WDR7: variants seen among roughly 807,000 people sequenced by gnomAD.
The protein encoded by WDR7 is WD repeat domain 7.
Under a neutral mutation model 169.4 loss-of-function variants are expected in WDR7, and 46 were observed. That is an observed-to-expected ratio of 0.27 (90% CI 0.21 to 0.35). WDR7 has a LOEUF of 0.35. WDR7 is among the 10% of genes least tolerant of loss of function. The probability of loss-of-function intolerance (pLI) is 1.00; values close to 1 mark genes in which losing one functional copy is unlikely to be tolerated. For synonymous variants in WDR7, 612 were observed against 666.8 expected, an observed-to-expected ratio of 0.92 and a Z score of 1.27; for missense variants, 1,534 against 1,859.3, an observed-to-expected ratio of 0.83 and a Z score of 3.22.
chr18:56,828,419 G>T (rs2045249185), intron 20 of WDR7, among the ~76,000 whole-genome samples: 1 of 152,094 alleles, frequency 6.6e-6, no homozygotes, highest in Non-Finnish European at 1.5e-5. Context: ...TGAAGTGAGG[G>T]GTAAAAAGGA....
the WDR7 span, chr18:57,035,312 G>A: frequency 1.3e-5 from 2 of 152,316 alleles, no homozygotes; most frequent in East Asian, 3.9e-4. Context: ...AAGGGGAAAC[G>A]GACTATAAAG....
intron 16 of WDR7, among the ~76,000 whole-genome samples, chr18:56,775,326 C>A (rs1482749345): frequency 6.6e-6 from 1 of 152,052 alleles, no homozygotes; most frequent in East Asian, 1.9e-4. Flanking sequence ...AAAATTAAAA[C>A]CTGCAAATTT....
At chr18:56,808,607 TA>T (rs1219112475) in intron 19 of WDR7, among the ~76,000 whole-genome samples, 1 of 152,196 alleles carries the variant, frequency 6.6e-6, no homozygotes, top group African/African-American at 2.4e-5. Flanking sequence ...GTTACTATAT[TA>T]AAAATTAGTA....
intron 14 of WDR7, among the ~76,000 whole-genome samples, chr18:56,755,529 T>C (rs1363560237): frequency 6.6e-6 from 1 of 152,178 alleles, no homozygotes; most frequent in Non-Finnish European, 1.5e-5. Context: ...GAAAACAGAA[T>C]GATTTCCAGC....
intron 2 of WDR7, among the ~76,000 whole-genome samples, chr18:56,677,493 A>C (rs1190627286): frequency 6.6e-6 from 1 of 151,990 alleles, no homozygotes; most frequent in African/African-American, 2.4e-5. Context: ...GGGACTACAG[A>C]TGTGTGCCAC....
At chr18:57,023,725 TCC>T (rs2048321429) in intron 27 of WDR7, among the ~76,000 whole-genome samples, 1 of 152,208 alleles carries the variant, frequency 6.6e-6, no homozygotes, top group Non-Finnish European at 1.5e-5. Flanking sequence ...CTTCTCTGTA[TCC>T]ATTGGCATTT....
At chr18:57,004,609 G>A (rs2048029795) in intron 26 of WDR7, among the ~76,000 whole-genome samples, 3 of 152,070 alleles carry the variant, frequency 2.0e-5, no homozygotes, top group Non-Finnish European at 2.9e-5. Context: ...CCTACTAAAC[G>A]TAAAAATGTC....
intron 22 of WDR7, among the ~76,000 whole-genome samples, chr18:56,931,898 G>A (rs530942567): frequency 2.6e-4 from 39 of 152,282 alleles, no homozygotes; most frequent in Non-Finnish European, 5.1e-4. Context: ...GAGCATTGGT[G>A]TTGAAAAGAG....
At chr18:56,826,058 G>T (rs1402665250) in intron 20 of WDR7, among the ~76,000 whole-genome samples, 1 of 152,184 alleles carries the variant, frequency 6.6e-6, no homozygotes, top group Non-Finnish European at 1.5e-5. Context: ...ATTGGGGTTG[G>T]GGGAGGGCAG....
At chr18:56,893,034 A>C (rs1351761669) in intron 21 of WDR7, among the ~76,000 whole-genome samples, 1 of 152,078 alleles carries the variant, frequency 6.6e-6, no homozygotes, top group Non-Finnish European at 1.5e-5. Flanking sequence ...TTGGTCTAGA[A>C]TGTGATGCAG....
intron 14 of WDR7, among the ~76,000 whole-genome samples, chr18:56,737,072 A>G (rs915575011): frequency 4.6e-5 from 7 of 152,242 alleles, no homozygotes; most frequent in African/African-American, 1.7e-4. Context: ...AGAGATGCTT[A>G]TAATTCTTTG....
chr18:57,026,074 A>G (rs1403306592), intron 27 of WDR7, among the ~76,000 whole-genome samples: 3 of 152,250 alleles, frequency 2.0e-5, no homozygotes, highest in African/African-American at 7.2e-5. Context: ...ATAATAGCAC[A>G]CATAATGCTA....
intron 12 of WDR7, among the ~76,000 whole-genome samples, chr18:56,701,999 A>T (rs1291200209): frequency 6.6e-6 from 1 of 152,206 alleles, no homozygotes; most frequent in Admixed American, 6.5e-5. Flanking sequence ...TGATTTTCAG[A>T]TTGGAGTAGT....
chr18:57,027,308 C>G lies in WDR7; in HGVS notation c.*101C>G. 7.1e-7 allele frequency: 1 copy of G among 1,416,280 alleles called. No individual in the cohort carries two copies. The highest frequency in any genetic ancestry group is 9.5e-7 in the Non-Finnish European group (1 of 1,055,922). 87.7% of individuals were successfully genotyped at this position (1,416,280 alleles called of 1,614,324 possible). On this transcript the variant is annotated 3_prime_UTR_variant, in exon 28 of 28. Coordinates refer to ENST00000254442, the MANE Select transcript of WDR7 (RefSeq NM_015285.3). ...ACCAGATTGTTCCCAGGGGCCTGCC[C>G]ACCCCAGTGCCATCCAGTGGCACGG... is the stretch of plus-strand genomic sequence containing the variant.
chr18:56,677,747 C>T (rs527529991), intron 2 of WDR7, among the ~76,000 whole-genome samples: 1 of 152,250 alleles, frequency 6.6e-6, no homozygotes, highest in African/African-American at 2.4e-5. Context: ...AGGTAGTCAT[C>T]TTTGGGTTAA....
At chr18:56,940,934 A>G (rs1351460281) in intron 25 of WDR7, among the ~76,000 whole-genome samples, 2 of 152,132 alleles carry the variant, frequency 1.3e-5, no homozygotes, top group Non-Finnish European at 2.9e-5. Context: ...TTTGTTTCCT[A>G]TTATGTGGTC....
At chr18:56,974,244 A>G (rs1367064123) in intron 26 of WDR7, among the ~76,000 whole-genome samples, 2 of 152,046 alleles carry the variant, frequency 1.3e-5, no homozygotes, top group Non-Finnish European at 2.9e-5. Context: ...TGAATTATAT[A>G]TCCTATGTAA....
At chr18:56,758,645 T>G (rs929587685) in intron 15 of WDR7, among the ~76,000 whole-genome samples, 4 of 152,316 alleles carry the variant, frequency 2.6e-5, no homozygotes, top group African/African-American at 9.6e-5. Flanking sequence ...AAGCACAAAT[T>G]GCACATGTCA....
intron 12 of WDR7, among the ~76,000 whole-genome samples, chr18:56,700,350 G>A (rs1335192700): frequency 1.6e-5 from 2 of 127,594 alleles, no homozygotes; most frequent in Non-Finnish European, 3.1e-5. Flanking sequence ...TCCACCTCCC[G>A]GGTTCAAGTG....
Sources: allele counts gnomAD v4.1 joint callset (sites outside exome capture counted in the v4.1 genomes callset), GRCh38; gene constraint gnomAD v4.1.1; transcripts MANE v1.5; gene names NCBI Gene and HGNC (gene_info 2026-07-23, HGNC 2026-07-21).